The following DRICH1 variants were observed in gnomAD, a reference collection of about 807,000 sequenced individuals.
The protein encoded by DRICH1 is aspartate rich 1.
In DRICH1, 38 loss-of-function variants were observed where a neutral mutation model predicts 39.5. The ratio of observed to expected loss-of-function variants is 0.96; its 90% CI spans 0.74 to 1.26. DRICH1 has a LOEUF of 1.26. Ranked by LOEUF, DRICH1 falls within the 50% of genes most tolerant of loss-of-function variation. DRICH1 has a pLI of 0.00. For missense variants in DRICH1, 279 were observed against 270.4 expected (o/e 1.03, Z -0.22); for synonymous variants, 84 against 99.5 (o/e 0.84, Z 0.93).
intron 6 of DRICH1, among the ~76,000 whole-genome samples, chr22:23,618,625 G>C: frequency 6.6e-6 from 1 of 152,068 alleles, no homozygotes; most frequent in East Asian, 1.9e-4. Context: ...ATTGAAACAG[G>C]CCAAGCTCAC....
At chr22:23,598,694 G>A in the DRICH1 span, among the ~76,000 whole-genome samples, 1 of 152,200 alleles carries the variant, frequency 6.6e-6, no homozygotes, top group Admixed American at 6.5e-5. Context: ...TCTGCTCTGA[G>A]GCCTCTTTTC....
rs1467946334 is a variant in DRICH1, at chr22:23,632,116, C to A, written c.-93G>T. On this transcript the variant is annotated 5_prime_UTR_variant, in exon 1 of 12. Coordinates refer to ENST00000317749, the MANE Select transcript of DRICH1 (RefSeq NM_016449.4). ...AGCCACACTACTGAGGGTGGCCCTGCACTTTTAGAAGCAGCCTGACCCCAG... is the reference window on the plus strand; with the variant it reads ...AGCCACACTACTGAGGGTGGCCCTGAACTTTTAGAAGCAGCCTGACCCCAG... 2.6e-6 allele frequency: 4 copies of A among 1,556,190 alleles called. No individual in the cohort carries two copies. The highest frequency in any genetic ancestry group is 1.9e-5 in the Admixed American group (1 of 52,114).
chr22:23,632,583 G>C (rs577177955), upstream of DRICH1, among the ~76,000 whole-genome samples: 436 of 152,206 alleles, frequency 2.9e-3, 2 homozygotes, highest in Non-Finnish European at 3.9e-3. Context: ...AGTTGTTATT[G>C]CGAGTCACCC....
chr22:23,605,847 G>A (rs973152355), downstream of DRICH1, among the ~76,000 whole-genome samples: 11 of 152,196 alleles, frequency 7.2e-5, no homozygotes, highest in South Asian at 1.5e-3. Context: ...TTGGGAGGCC[G>A]GGGTGGGTGG....
At chr22:23,600,862 C>T in the DRICH1 span, among the ~76,000 whole-genome samples, 6 of 151,968 alleles carry the variant, frequency 3.9e-5, no homozygotes, top group East Asian at 1.9e-4. Context: ...TTAGTAGAGA[C>T]GGGGTTTCAC....
downstream of DRICH1, among the ~76,000 whole-genome samples, chr22:23,606,089 CAAAA>C (rs557388221): frequency 1.4e-5 from 2 of 139,474 alleles, no homozygotes; most frequent in Non-Finnish European, 3.1e-5. Flanking sequence ...GACCCCACCT[CAAAA>C]AAAAAAAATT....
intron 3 of DRICH1, among the ~76,000 whole-genome samples, chr22:23,623,240 A>C (rs1927873510): frequency 6.6e-6 from 1 of 152,070 alleles, no homozygotes; most frequent in African/African-American, 2.4e-5. Flanking sequence ...CCACATCTCT[A>C]CTAAAAATAC....
chr22:23,609,584 A>T (rs1926923751), intron 11 of DRICH1, among the ~76,000 whole-genome samples: 1 of 152,110 alleles, frequency 6.6e-6, no homozygotes, highest in South Asian at 2.1e-4. Flanking sequence ...TGCAGGTGTC[A>T]GCAGGGAGCC....
the DRICH1 span, among the ~76,000 whole-genome samples, chr22:23,599,484 C>T: frequency 6.6e-6 from 1 of 152,174 alleles, no homozygotes; most frequent in South Asian, 2.1e-4. Flanking sequence ...AGTGCAGGGC[C>T]CAGCCATGCG....
the DRICH1 span, among the ~76,000 whole-genome samples, chr22:23,601,571 G>A: frequency 6.6e-6 from 1 of 152,180 alleles, no homozygotes; most frequent in Non-Finnish European, 1.5e-5. Flanking sequence ...GGGACAGTGG[G>A]AAGTGAGTGT....
chr22:23,616,974 G>T, intron 7 of DRICH1, 100 bp from the exon 8 acceptor site: 2 of 1,385,612 alleles, frequency 1.4e-6, no homozygotes, highest in Non-Finnish European at 2.0e-6. Context: ...AAAACTATTT[G>T]TAAGACAGTG....
At chr22:23,617,493 T>C in intron 7 of DRICH1, 82 bp downstream of exon 7, 2 of 1,489,450 alleles carry the variant, frequency 1.3e-6, no homozygotes. Context: ...CCTGAGTCCA[T>C]TCTTTGGGAT....
the DRICH1 span, among the ~76,000 whole-genome samples, chr22:23,582,234 C>T: frequency 7.3e-5 from 11 of 151,318 alleles, no homozygotes; most frequent in Middle Eastern, 6.9e-3. Context: ...GCCTCGGCCT[C>T]CCAAAGTGCT....
At chr22:23,602,743 T>C in the DRICH1 span, among the ~76,000 whole-genome samples, 8,922 of 152,088 alleles carry the variant, frequency 0.059, 489 homozygotes, top group African/African-American at 0.14. Flanking sequence ...ATTTCAATTG[T>C]GATAGTTACA....
At chr22:23,624,352 T>C in intron 3 of DRICH1, 1 of 984,616 alleles carries the variant, frequency 1.0e-6, no homozygotes, top group African/African-American at 1.7e-5. Flanking sequence ...GAAGAAATGA[T>C]CAAAAACACA....
At chr22:23,601,417 C>T in the DRICH1 span, among the ~76,000 whole-genome samples, 3 of 152,310 alleles carry the variant, frequency 2.0e-5, no homozygotes, top group East Asian at 3.9e-4. Context: ...CCTGGAGGAA[C>T]ACCCAGAAAA....
intron 1 of DRICH1, among the ~76,000 whole-genome samples, chr22:23,631,162 G>C (rs945535604): frequency 2.0e-5 from 3 of 152,150 alleles, no homozygotes; most frequent in Non-Finnish European, 2.9e-5. Context: ...CCTCATGCCT[G>C]TAATCACAGC....
chr22:23,618,113 CTTTT>C (rs368348650), intron 6 of DRICH1, among the ~76,000 whole-genome samples: 1 of 127,306 alleles, frequency 7.9e-6, no homozygotes, highest in Admixed American at 8.5e-5. Flanking sequence ...ATCACACATT[CTTTT>C]TTTTTTTTTT....
chr22:23,613,053 C>A (rs1473030953), intron 11 of DRICH1, among the ~76,000 whole-genome samples: 1 of 152,184 alleles, frequency 6.6e-6, no homozygotes, highest in Non-Finnish European at 1.5e-5. Context: ...CACAAAAGAG[C>A]AGGTGCACTG....
Sources: gnomAD v4.1 joint callset for allele counts (sites outside exome capture counted in the v4.1 genomes callset) on GRCh38, gnomAD v4.1.1 for gene constraint, MANE v1.5 for transcripts, NCBI Gene and HGNC (gene_info 2026-07-23, HGNC 2026-07-21) for gene names.